STMN2: variants seen among roughly 807,000 people sequenced by gnomAD.
The protein encoded by STMN2 is stathmin 2.
In STMN2, 2 loss-of-function variants were observed where a neutral mutation model predicts 24.1. The observed-to-expected ratio is 0.08, with a 90% confidence interval of 0.03 to 0.26. The LOEUF (loss-of-function observed/expected upper bound fraction) is 0.26, where lower values mean the gene tolerates loss of function less well. Ranked by LOEUF, STMN2 falls within the 10% of genes least tolerant of loss-of-function variation. STMN2 has a pLI of 1.00. For missense variants in STMN2, 114 were observed against 213.6 expected, an observed-to-expected ratio of 0.53 and a Z score of 2.91; for synonymous variants, 83 against 77.5, an observed-to-expected ratio of 1.07 and a Z score of -0.37.
intron 1 of STMN2, 58 bp downstream of exon 1, chr8:79,611,272 T>C (rs1809213557): frequency 1.2e-6 from 2 of 1,601,114 alleles, no homozygotes; most frequent in African/African-American, 1.3e-5. Context: ...TCTCACCTCC[T>C]CTCTTGAGCT....
At chr8:79,646,611 T>C (rs1810223705) in intron 3 of STMN2, among the ~76,000 whole-genome samples, 1 of 151,842 alleles carries the variant, frequency 6.6e-6, no homozygotes, top group Non-Finnish European at 1.5e-5. Context: ...GTTTGAGAAA[T>C]AACATGGAGG....
chr8:79,650,045 G>A (rs1255283084), intron 3 of STMN2, among the ~76,000 whole-genome samples: 1 of 152,152 alleles, frequency 6.6e-6, no homozygotes, highest in Non-Finnish European at 1.5e-5. Context: ...TCCCATAATA[G>A]CAAGATCGAG....
intron 1 of STMN2, chr8:79,631,317 G>T (rs962326022): frequency 1.1e-5 from 5 of 458,474 alleles, no homozygotes; most frequent in South Asian, 9.4e-5. Context: ...CTTCTTAAAT[G>T]TCCCTTTATT....
chr8:79,624,984 T>C (rs1252749832), intron 1 of STMN2, among the ~76,000 whole-genome samples: 1 of 148,266 alleles, frequency 6.7e-6, no homozygotes, highest in African/African-American at 2.5e-5. Flanking sequence ...CACTTTTTCC[T>C]GTTTGATTTT....
chr8:79,616,179 G>A (rs1809378364), intron 1 of STMN2, among the ~76,000 whole-genome samples: 1 of 152,064 alleles, frequency 6.6e-6, no homozygotes, highest in South Asian at 2.1e-4. Flanking sequence ...CATCTTCTAA[G>A]TCTGTCTTTC....
intron 1 of STMN2, among the ~76,000 whole-genome samples, chr8:79,620,670 A>G (rs1809494627): frequency 6.6e-6 from 1 of 152,182 alleles, no homozygotes; most frequent in South Asian, 2.1e-4. Flanking sequence ...ACAAGATAGT[A>G]CATAATGATA....
chr8:79,613,156 G>GCCCCCAGCCCAAT (rs1554542235), intron 1 of STMN2, among the ~76,000 whole-genome samples: 4 of 147,774 alleles, frequency 2.7e-5, no homozygotes, highest in African/African-American at 1.0e-4. Context: ...CCCAGCCCAA[G>GCCCCCAGCCCAAT]CCCCCCGCCC....
chr8:79,650,743 C>T (rs1207405356), intron 3 of STMN2, among the ~76,000 whole-genome samples: 1 of 151,974 alleles, frequency 6.6e-6, no homozygotes, highest in African/African-American at 2.4e-5. Context: ...AGGTAGATGC[C>T]CCCCTGGTTA....
intron 2 of STMN2, 23 bp downstream of exon 2, chr8:79,636,920 AC>A (rs759244042): frequency 6.3e-7 from 1 of 1,599,476 alleles, no homozygotes; most frequent in Non-Finnish European, 8.6e-7. Context: ...GGATAGACAT[AC>A]CCCTGCTAGC....
At chr8:79,616,023 C>A (rs1019142060) in intron 1 of STMN2, among the ~76,000 whole-genome samples, 9 of 152,294 alleles carry the variant, frequency 5.9e-5, no homozygotes, top group South Asian at 4.1e-4. Flanking sequence ...TTGTTTACTT[C>A]TTCATCGATT....
At chr8:79,659,105 A>C (rs1806443445) in intron 4 of STMN2, among the ~76,000 whole-genome samples, 1 of 152,244 alleles carries the variant, frequency 6.6e-6, no homozygotes, top group African/African-American at 2.4e-5. Flanking sequence ...CCTCCAAAGA[A>C]GAATGTTACA....
At chr8:79,636,261 T>C (rs1809952372) in intron 1 of STMN2, among the ~76,000 whole-genome samples, 1 of 151,974 alleles carries the variant, frequency 6.6e-6, no homozygotes. Context: ...GATAAGAAAA[T>C]GCACTTGGAG....
chr8:79,641,985 C>T (rs1475891829), intron 3 of STMN2, among the ~76,000 whole-genome samples: 1 of 152,150 alleles, frequency 6.6e-6, no homozygotes, highest in Non-Finnish European at 1.5e-5. Flanking sequence ...ATCTGTGTCA[C>T]CCCCTTTGTC....
chr8:79,618,667 G>A (rs1320567410), intron 1 of STMN2, among the ~76,000 whole-genome samples: 1 of 152,116 alleles, frequency 6.6e-6, no homozygotes, highest in African/African-American at 2.4e-5. Flanking sequence ...ATTTGTCAAG[G>A]AGACATTTGC....
chr8:79,635,246 A>T (rs536363737), intron 1 of STMN2, among the ~76,000 whole-genome samples: 1 of 152,178 alleles, frequency 6.6e-6, no homozygotes, highest in Non-Finnish European at 1.5e-5. Flanking sequence ...TTGCAACTGC[A>T]TGGCAAGGTT....
chr8:79,616,026 C>T (rs902553691), intron 1 of STMN2, among the ~76,000 whole-genome samples: 2 of 152,172 alleles, frequency 1.3e-5, no homozygotes, highest in African/African-American at 4.8e-5. Flanking sequence ...TTTACTTCTT[C>T]ATCGATTGAA....
intron 2 of STMN2, among the ~76,000 whole-genome samples, chr8:79,638,348 T>C (rs952089318): frequency 1.3e-5 from 2 of 152,374 alleles, no homozygotes; most frequent in African/African-American, 4.8e-5. Context: ...ATGTGTGAGC[T>C]GATTCTTGAA....
intron 1 of STMN2, among the ~76,000 whole-genome samples, chr8:79,632,577 G>A (rs1809830884): frequency 6.6e-6 from 1 of 152,102 alleles, no homozygotes; most frequent in Admixed American, 6.6e-5. Flanking sequence ...TTTTCTTTAT[G>A]GTCATTAAGA....
At chr8:79,627,507 CA>C (rs2130323097) in intron 1 of STMN2, among the ~76,000 whole-genome samples, 1 of 152,106 alleles carries the variant, frequency 6.6e-6, no homozygotes, top group South Asian at 2.1e-4. Context: ...AGATGGCATC[CA>C]AAAAGCTTAC....
Sources: allele counts gnomAD v4.1 joint callset (sites outside exome capture counted in the v4.1 genomes callset), GRCh38; gene constraint gnomAD v4.1.1; transcripts MANE v1.5; gene names NCBI Gene and HGNC (gene_info 2026-07-23, HGNC 2026-07-21).